Variants in CMTM7 observed in about 807,000 individuals in gnomAD.
The protein encoded by CMTM7 is CKLF-like MARVEL transmembrane domain-containing protein 7.
A neutral mutation model predicts 19.3 loss-of-function variants in CMTM7; 7 were observed. The ratio of observed to expected loss-of-function variants is 0.36; its 90% CI spans 0.21 to 0.68. CMTM7 has a LOEUF of 0.68. Ranked by LOEUF, CMTM7 falls within the 30% of genes least tolerant of loss-of-function variation. The pLI is 0.60. For synonymous variants in CMTM7, 87 were observed against 99.3 expected (o/e 0.88, Z 0.74); for missense variants, 193 against 232.6 (o/e 0.83, Z 1.11).
In CMTM7 at chr3:32,454,217, C is replaced by T. The variant is rs777276478; in HGVS notation, c.515-24C>T. On this transcript the variant is annotated intron_variant, in intron 4 of 4. Transcript: ENST00000334983. The stretch of plus-strand genomic sequence containing the variant: ...GTGGGCCACATCCCTGGCAAGCTGT[C>T]CTGACTGCCATTTCCTTCCCAAGAT... 8.8e-6 allele frequency: 14 copies of T among 1,587,796 alleles called. 1 individual carries two copies. Among genetic ancestry groups the T allele is most frequent in the African/African-American group, 1.3e-5 (1 of 74,392 alleles).
intron 1 of CMTM7, among the ~76,000 whole-genome samples, chr3:32,428,707 C>T (rs911774491): frequency 6.6e-6 from 1 of 152,242 alleles, no homozygotes; most frequent in African/African-American, 2.4e-5. Context: ...CCAGACACCT[C>T]AGGCTCTTTT....
chr3:32,394,695 CTT>C (rs1470947765), intron 1 of CMTM7, among the ~76,000 whole-genome samples: 1 of 151,964 alleles, frequency 6.6e-6, no homozygotes, highest in Non-Finnish European at 1.5e-5. Flanking sequence ...TTAAAGCACT[CTT>C]TTTTTTCTTT....
chr3:32,420,751 G>C (rs1297213307), intron 1 of CMTM7, among the ~76,000 whole-genome samples: 1 of 152,198 alleles, frequency 6.6e-6, no homozygotes. Flanking sequence ...GGTGGGAGAG[G>C]CCCTCTCTGG....
At chr3:32,454,218 C>T (rs748726460) in intron 4 of CMTM7, 23 bp from the exon 5 acceptor site, 2 of 1,588,798 alleles carry the variant, frequency 1.3e-6, no homozygotes, top group South Asian at 1.1e-5. Context: ...GCAAGCTGTC[C>T]TGACTGCCAT....
chr3:32,423,716 A>G (rs1044223465), intron 1 of CMTM7, among the ~76,000 whole-genome samples: 15 of 152,232 alleles, frequency 9.9e-5, no homozygotes, highest in African/African-American at 3.1e-4. Flanking sequence ...TTTGGCCACC[A>G]GGGTGGTTTC....
chr3:32,400,321 GTGGTGTTTTTC>G (rs1212465954), intron 1 of CMTM7, among the ~76,000 whole-genome samples: 1 of 150,902 alleles, frequency 6.6e-6, no homozygotes, highest in African/African-American at 2.4e-5. Flanking sequence ...TGCCCGGCTG[GTGGTGTTTTTC>G]TTTAAACAAA....
At chr3:32,420,723 T>C (rs573901990) in intron 1 of CMTM7, among the ~76,000 whole-genome samples, 3 of 152,292 alleles carry the variant, frequency 2.0e-5, no homozygotes, top group Admixed American at 6.5e-5. Flanking sequence ...CCCTAAAAAA[T>C]GCAGCGGCCA....
intron 1 of CMTM7, among the ~76,000 whole-genome samples, chr3:32,392,876 C>T (rs1446245064): frequency 6.6e-6 from 1 of 152,228 alleles, no homozygotes; most frequent in Non-Finnish European, 1.5e-5. Context: ...TTGTTCCCCA[C>T]TCTTTTCTTT....
At chr3:32,404,918 A>C (rs1696067315) in intron 1 of CMTM7, among the ~76,000 whole-genome samples, 1 of 152,244 alleles carries the variant, frequency 6.6e-6, no homozygotes, top group Non-Finnish European at 1.5e-5. Flanking sequence ...AAGCCTTAGA[A>C]GAAGTACTGG....
chr3:32,452,343 T>A, intron 3 of CMTM7, 49 bp from the exon 4 acceptor site: 1 of 1,613,774 alleles, frequency 6.2e-7, no homozygotes, highest in Non-Finnish European at 8.5e-7. Flanking sequence ...ATTGCCCGAG[T>A]AATTAGCCCT....
At chr3:32,452,363 G>C in intron 3 of CMTM7, 29 bp from the exon 4 acceptor site, 3 of 1,614,136 alleles carry the variant, frequency 1.9e-6, no homozygotes, top group Non-Finnish European at 2.5e-6. Flanking sequence ...TATGGCCTGT[G>C]AACTTCCTCT....
At chr3:32,431,253 A>C (rs1696514071) in intron 1 of CMTM7, among the ~76,000 whole-genome samples, 1 of 152,240 alleles carries the variant, frequency 6.6e-6, no homozygotes, top group African/African-American at 2.4e-5. Context: ...TATGTGCTTG[A>C]AACATACAAA....
At chr3:32,443,473 T>C (rs1467243329) in intron 2 of CMTM7, among the ~76,000 whole-genome samples, 1 of 152,214 alleles carries the variant, frequency 6.6e-6, no homozygotes, top group Non-Finnish European at 1.5e-5. Context: ...TCATCTTCAG[T>C]GGACCTTTGG....
chr3:32,451,786 G>C (rs1231460617), intron 3 of CMTM7: 3 of 285,784 alleles, frequency 1.0e-5, no homozygotes, highest in African/African-American at 6.8e-5. Context: ...AGGGGGCTGG[G>C]CTAGGTCAGC....
intron 1 of CMTM7, among the ~76,000 whole-genome samples, chr3:32,393,403 T>TCTCA (rs1474367792): frequency 6.6e-6 from 1 of 152,162 alleles, no homozygotes; most frequent in African/African-American, 2.4e-5. Flanking sequence ...GACCAGCCCA[T>TCTCA]CTCACCATCC....
At chr3:32,420,912 A>G (rs1696333691) in intron 1 of CMTM7, among the ~76,000 whole-genome samples, 1 of 152,162 alleles carries the variant, frequency 6.6e-6, no homozygotes, top group Admixed American at 6.5e-5. Context: ...CATGTTGTCA[A>G]CAATCTGAGG....
At chr3:32,396,833 C>T (rs1695925930) in intron 1 of CMTM7, among the ~76,000 whole-genome samples, 1 of 152,332 alleles carries the variant, frequency 6.6e-6, no homozygotes, top group Non-Finnish European at 1.5e-5. Flanking sequence ...AAGGGATGCC[C>T]TGGGGTCTGA....
At chr3:32,448,983 A>T (rs904481862) in intron 2 of CMTM7, among the ~76,000 whole-genome samples, 6 of 152,216 alleles carry the variant, frequency 3.9e-5, no homozygotes, top group Non-Finnish European at 7.3e-5. Context: ...CAAGACCAGC[A>T]CATTGTTAGC....
chr3:32,399,629 A>G (rs927448410), intron 1 of CMTM7, among the ~76,000 whole-genome samples: 1 of 152,194 alleles, frequency 6.6e-6, no homozygotes, highest in Admixed American at 6.5e-5. Flanking sequence ...ATAGCCCAGC[A>G]TCATCCAGAA....
Sources: allele counts gnomAD v4.1 joint callset (sites outside exome capture counted in the v4.1 genomes callset), GRCh38; gene constraint gnomAD v4.1.1; transcripts MANE v1.5; gene names NCBI Gene and HGNC (gene_info 2026-07-23, HGNC 2026-07-21).